NRXN3: variants seen among roughly 807,000 people sequenced by gnomAD.
NRXN3 encodes the protein neurexin III.
NRXN3 carries 32 observed loss-of-function variants against 137.6 expected under a neutral mutation model. The observed-to-expected ratio is 0.23, with a 90% CI of 0.18 to 0.31. The LOEUF is 0.31. NRXN3 is among the 10% of genes least tolerant of loss of function. The pLI is 1.00. For synonymous variants in NRXN3, 798 were observed against 784.5 expected (o/e 1.02, Z -0.29); for missense variants, 1,574 against 2,062.5 (o/e 0.76, Z 4.59).
At chr14:79,119,439 C>T (rs912432972) in intron 15 of NRXN3, among the ~76,000 whole-genome samples, 2 of 152,148 alleles carry the variant, frequency 1.3e-5, no homozygotes, top group Non-Finnish European at 2.9e-5. Flanking sequence ...TTTGCTGTCT[C>T]TCCACAAGTA....
intron 15 of NRXN3, among the ~76,000 whole-genome samples, chr14:79,262,351 A>G (rs2077738731): frequency 6.6e-6 from 1 of 151,936 alleles, no homozygotes; most frequent in Non-Finnish European, 1.5e-5. Flanking sequence ...AAGCATGAGG[A>G]AGAAAAAGAA....
intron 10 of NRXN3, among the ~76,000 whole-genome samples, chr14:78,846,820 G>A (rs776299424): frequency 6.6e-6 from 1 of 152,054 alleles, no homozygotes; most frequent in Non-Finnish European, 1.5e-5. Context: ...ACTGCGTCCT[G>A]CACCTTCTCT....
At chr14:79,719,240 C>A (rs2098834040) in intron 19 of NRXN3, among the ~76,000 whole-genome samples, 1 of 117,312 alleles carries the variant, frequency 8.5e-6, no homozygotes, top group African/African-American at 3.1e-5. Flanking sequence ...ATCCCGTCAT[C>A]ATAGACATAT....
intron 15 of NRXN3, among the ~76,000 whole-genome samples, chr14:79,257,416 T>G: frequency 1.4e-5 from 1 of 71,830 alleles, no homozygotes; most frequent in Non-Finnish European, 2.9e-5. Context: ...GTGGTGGTGA[T>G]GGTGGTGATG....
chr14:78,456,799 C>CTCTTTCTTTCTTTCTTTCTTTCTT lies in NRXN3; in HGVS notation c.757+158973_757+158996dup, dbSNP rs374674586. ...TCTTTCCCTTTCTCTCTCTCTTTCT[C>CTCTTTCTTTCTTTCTTTCTTTCTT]TCTTTCTTTCTTTCTTTCTTTCTTT... On this transcript the variant is annotated intron_variant, in intron 4 of 20. Coordinates refer to ENST00000335750, the MANE Select transcript of NRXN3 (RefSeq NM_001330195.2). 1.7e-3 allele frequency among the ~76,000 whole-genome samples: 163 copies of CTCTTTCTTTCTTTCTTTCTTTCTT among 97,686 alleles called. 2 individuals are homozygous for CTCTTTCTTTCTTTCTTTCTTTCTT. Among genetic ancestry groups the CTCTTTCTTTCTTTCTTTCTTTCTT allele is most frequent in the East Asian group, 3.0e-3 (10 of 3,288 alleles). 64.1% of individuals were successfully genotyped at this position (97,686 alleles called of 152,430 possible).
At chr14:79,464,218 A>T (rs2096391410) in intron 15 of NRXN3, among the ~76,000 whole-genome samples, 1 of 152,118 alleles carries the variant, frequency 6.6e-6, no homozygotes, top group African/African-American at 2.4e-5. Context: ...AGATATTTTC[A>T]TATTTTTTTC....
chr14:78,719,418 T>TAGG (rs2098449119), intron 8 of NRXN3, among the ~76,000 whole-genome samples: 2 of 151,656 alleles, frequency 1.3e-5, no homozygotes, highest in South Asian at 4.2e-4. Flanking sequence ...TGATCCTGGG[T>TAGG]AGCAGCAGCA....
chr14:78,946,973 A>G (rs1371209677), intron 10 of NRXN3, among the ~76,000 whole-genome samples: 4 of 152,198 alleles, frequency 2.6e-5, no homozygotes, highest in Admixed American at 2.0e-4. Context: ...TAAGGATATG[A>G]TATTTCCAGG....
chr14:78,879,625 C>T (rs1279696944), intron 10 of NRXN3, among the ~76,000 whole-genome samples: 1 of 152,124 alleles, frequency 6.6e-6, no homozygotes, highest in Non-Finnish European at 1.5e-5. Flanking sequence ...TAGATATTAA[C>T]CCCTTATCAT....
Position 79,414,203 on chromosome 14 carries a change from A to G in NRXN3, c.3263-53018A>G, listed in dbSNP as rs940141352. The stretch of plus-strand genomic sequence containing the variant: ...CAGAGGATTGATGTTTGAGTAAGAA[A>G]TGCAGAATAGGACCATATGTTAGGC... On this transcript the variant is annotated intron_variant, in intron 15 of 20. Transcript: ENST00000335750. 2.0e-4 allele frequency among the ~76,000 whole-genome samples: 30 copies of G among 152,118 alleles called. 1 individual carries two copies. The highest frequency in any genetic ancestry group is 6.5e-4 in the African/African-American group (27 of 41,438).
At chr14:78,825,921 C>T (rs1567429944) in intron 10 of NRXN3, among the ~76,000 whole-genome samples, 1 of 152,166 alleles carries the variant, frequency 6.6e-6, no homozygotes, top group Non-Finnish European at 1.5e-5. Flanking sequence ...ATTGACTATT[C>T]AGTTGAACCC....
chr14:79,724,157 T>G lies in NRXN3; in HGVS notation c.4014+26220T>G, dbSNP rs1603450248. ...TCTTTAAAAAACTTACTAAGCCTGC[T>G]CAGCTTTTACACAGGGTACGCCGGC... On this transcript the variant is annotated intron_variant, in intron 19 of 20. Transcript: ENST00000335750. Among the ~76,000 whole-genome samples, 3 of 152,270 alleles carry G rather than the reference T, an allele frequency of 2.0e-5. 1 individual carries two copies. In the East Asian group the frequency reaches 5.8e-4, roughly 29 times the overall value.
At chr14:78,307,865 T>A (rs2077525369) in intron 4 of NRXN3, among the ~76,000 whole-genome samples, 2 of 152,166 alleles carry the variant, frequency 1.3e-5, no homozygotes, top group Admixed American at 1.3e-4. Flanking sequence ...GCCTTTGCCA[T>A]CCTTTTAATA....
chr14:79,632,342 C>G (rs1387041970), intron 16 of NRXN3: 1 of 154,784 alleles, frequency 6.5e-6, no homozygotes, highest in East Asian at 1.9e-4. Context: ...TCTGGACACA[C>G]TTCGAGTAGT....
At chr14:78,395,007 G>A (rs2091282925) in intron 4 of NRXN3, among the ~76,000 whole-genome samples, 1 of 151,662 alleles carries the variant, frequency 6.6e-6, no homozygotes, top group African/African-American at 2.4e-5. Flanking sequence ...GCTTTTCAAG[G>A]AATCATCTCT....
At chr14:78,993,854 T>A (rs894253354) in intron 15 of NRXN3, among the ~76,000 whole-genome samples, 2 of 121,274 alleles carry the variant, frequency 1.6e-5, no homozygotes, top group Admixed American at 7.6e-5. Flanking sequence ...TTTTTTTTTT[T>A]TTTTTTTTTT....
At chr14:78,541,775 T>A (rs1230001074) in intron 4 of NRXN3, among the ~76,000 whole-genome samples, 1 of 152,234 alleles carries the variant, frequency 6.6e-6, no homozygotes, top group Non-Finnish European at 1.5e-5. Context: ...TGGTCTTTGA[T>A]GTTGGTGACC....
At chr14:78,200,012 T>A (rs1026976699) in intron 1 of NRXN3, among the ~76,000 whole-genome samples, 1 of 152,206 alleles carries the variant, frequency 6.6e-6, no homozygotes, top group African/African-American at 2.4e-5. Flanking sequence ...GGGTAAGTGC[T>A]GCTTTAGGGT....
chr14:78,260,631 T>C (rs776137613), intron 2 of NRXN3, among the ~76,000 whole-genome samples: 1 of 152,202 alleles, frequency 6.6e-6, no homozygotes, highest in Non-Finnish European at 1.5e-5. Context: ...ATTGTCATGA[T>C]AGTGAATAAG....
Sources: gnomAD v4.1 joint callset for allele counts (sites outside exome capture counted in the v4.1 genomes callset) on GRCh38, gnomAD v4.1.1 for gene constraint, MANE v1.5 for transcripts, NCBI Gene and HGNC (gene_info 2026-07-23, HGNC 2026-07-21) for gene names.